The following CCDC85A variants were observed in gnomAD, a reference collection of about 807,000 sequenced individuals.
CCDC85A encodes coiled-coil domain-containing protein 85A.
Under a neutral mutation model 50.2 loss-of-function variants are expected in CCDC85A, and 38 were observed. The ratio of observed to expected loss-of-function variants is 0.76; its 90% CI spans 0.58 to 0.99. The LOEUF (loss-of-function observed/expected upper bound fraction) is 0.99, where lower values mean the gene tolerates loss of function less well. Ranked by LOEUF, CCDC85A falls within the 50% of genes least tolerant of loss-of-function variation. CCDC85A has a pLI of 0.00. For missense variants in CCDC85A, 820 were observed against 742.0 expected, an observed-to-expected ratio of 1.11 and a Z score of -1.22; for synonymous variants, 366 against 301.4, an observed-to-expected ratio of 1.21 and a Z score of -2.22.
chr2:56,209,415 T>C (rs1677095273), intron 2 of CCDC85A, among the ~76,000 whole-genome samples: 1 of 103,452 alleles, frequency 9.7e-6, no homozygotes, highest in African/African-American at 3.5e-5. Flanking sequence ...AATAGAAGTC[T>C]GTTCCTTTTT....
chr2:56,289,384 A>T (rs1387008878), intron 2 of CCDC85A, among the ~76,000 whole-genome samples: 1 of 152,190 alleles, frequency 6.6e-6, no homozygotes, highest in Non-Finnish European at 1.5e-5. Context: ...ACACTAGGGG[A>T]TGCAGTTACC....
At chr2:56,336,727 A>G (rs1473150779) in intron 2 of CCDC85A, among the ~76,000 whole-genome samples, 2 of 152,198 alleles carry the variant, frequency 1.3e-5, no homozygotes, top group Non-Finnish European at 2.9e-5. Context: ...TCATATTTTT[A>G]TCAGAGTGTT....
intron 1 of CCDC85A, among the ~76,000 whole-genome samples, chr2:56,191,156 C>G (rs1208021629): frequency 6.6e-6 from 1 of 152,224 alleles, no homozygotes; most frequent in Non-Finnish European, 1.5e-5. Context: ...CACCCAGGTG[C>G]CTGCTCAAAT....
chr2:56,349,365 T>C (rs776314281), intron 3 of CCDC85A, among the ~76,000 whole-genome samples: 1 of 151,730 alleles, frequency 6.6e-6, no homozygotes, highest in Non-Finnish European at 1.5e-5. Context: ...GCAGCACGAG[T>C]GGTGTGGGTG....
chr2:56,299,260 A>G (rs887431416), intron 2 of CCDC85A, among the ~76,000 whole-genome samples: 2 of 152,152 alleles, frequency 1.3e-5, no homozygotes, highest in Non-Finnish European at 2.9e-5. Flanking sequence ...ATTCTTGGGT[A>G]GCTTGTTTTC....
intron 2 of CCDC85A, among the ~76,000 whole-genome samples, chr2:56,331,662 A>G (rs890296159): frequency 2.6e-4 from 40 of 152,224 alleles, no homozygotes; most frequent in Admixed American, 5.2e-4. Flanking sequence ...TATGCAAACC[A>G]TCAGTTTTAG....
chr2:56,252,949 G>C (rs1342192870), intron 2 of CCDC85A, among the ~76,000 whole-genome samples: 2 of 152,012 alleles, frequency 1.3e-5, no homozygotes, highest in Non-Finnish European at 2.9e-5. Flanking sequence ...AACTGGGGAG[G>C]CGGAGGTTGC....
intron 2 of CCDC85A, among the ~76,000 whole-genome samples, chr2:56,274,525 C>A (rs1423308881): frequency 6.6e-6 from 1 of 152,182 alleles, no homozygotes; most frequent in African/African-American, 2.4e-5. Flanking sequence ...TCAGTCTTTG[C>A]TCTTAGGGCT....
intron 2 of CCDC85A, among the ~76,000 whole-genome samples, chr2:56,331,239 T>G (rs1247952355): frequency 1.3e-5 from 2 of 151,172 alleles, no homozygotes; most frequent in African/African-American, 2.4e-5. Context: ...GATAGGAGGG[T>G]GGGAGAGGGG....
In CCDC85A at chr2:56,304,770, T is replaced by C. The variant is rs550407597; in HGVS notation, c.1241-38109T>C. Among the ~76,000 whole-genome samples the C allele has an allele frequency of 9.9e-5, 15 of 151,996 alleles. No homozygotes were observed. In the South Asian group the frequency reaches 3.1e-3, roughly 32 times the overall value. ...ACAATAAAACTGTATGGGATAAGGCTGGGCGCAGCGGCTCACACCTGCAAT... is the reference window on the plus strand; with the variant it reads ...ACAATAAAACTGTATGGGATAAGGCCGGGCGCAGCGGCTCACACCTGCAAT... On this transcript the variant is annotated intron_variant, in intron 2 of 5. Transcript: ENST00000407595.
At chr2:56,284,051 ATT>A (rs1464111394) in intron 2 of CCDC85A, among the ~76,000 whole-genome samples, 1 of 152,044 alleles carries the variant, frequency 6.6e-6, no homozygotes, top group Non-Finnish European at 1.5e-5. Flanking sequence ...CATCTCATAA[ATT>A]TTGATATACT....
At chr2:56,291,999 CAT>C (rs917557722) in intron 2 of CCDC85A, among the ~76,000 whole-genome samples, 3 of 152,138 alleles carry the variant, frequency 2.0e-5, no homozygotes, top group African/African-American at 7.2e-5. Flanking sequence ...ATATTTGAGA[CAT>C]GTGTCTCAGT....
chr2:56,261,042 A>G (rs898880555), intron 2 of CCDC85A, among the ~76,000 whole-genome samples: 2 of 152,236 alleles, frequency 1.3e-5, no homozygotes, highest in South Asian at 2.1e-4. Flanking sequence ...TGAAGTTGAC[A>G]TAGTACTGAA....
chr2:56,377,064 C>A (rs551560130), intron 5 of CCDC85A, among the ~76,000 whole-genome samples: 52 of 152,314 alleles, frequency 3.4e-4, no homozygotes, highest in South Asian at 8.3e-4. Context: ...TTAGCTTATA[C>A]AAAATGAATT....
chr2:56,322,835 A>T (rs1673272756), intron 2 of CCDC85A, among the ~76,000 whole-genome samples: 1 of 152,216 alleles, frequency 6.6e-6, no homozygotes, highest in African/African-American at 2.4e-5. Flanking sequence ...CTATAAAGAC[A>T]TATGCACATG....
rs1481076425 is a variant in CCDC85A at position 56,193,328 on chromosome 2, A to C, written c.1128A>C (p.Gly376=). 6 of 1,612,988 alleles carry C rather than the reference A, an allele frequency of 3.7e-6. No individual in the cohort carries two copies. The East Asian group carries it at 1.3e-4, about 36-fold the overall frequency. The change falls in exon 2 of 6, where the codon GGA becomes GGC. Residue 376 remains glycine, a synonymous_variant. Transcript: ENST00000407595. ...GGAGCCCTGATCACAAACACGGAGG[A>C]GGCAGTGGAGGAAGTGGAGGCAGCG... is the stretch of plus-strand genomic sequence containing the variant. ...YGGSPDHKHG[G]GSGGSGGSGG...
intron 3 of CCDC85A, among the ~76,000 whole-genome samples, chr2:56,350,364 A>G (rs1276019265): frequency 6.6e-6 from 1 of 152,066 alleles, no homozygotes; most frequent in South Asian, 2.1e-4. Flanking sequence ...TGAGGTTAGG[A>G]GTTCAAGACC....
chr2:56,299,490 G>T (rs965579117), intron 2 of CCDC85A, among the ~76,000 whole-genome samples: 2 of 152,138 alleles, frequency 1.3e-5, no homozygotes. Flanking sequence ...CTGTTCTGGA[G>T]CCCAGACGTC....
intron 2 of CCDC85A, among the ~76,000 whole-genome samples, chr2:56,252,617 C>T (rs534526559): frequency 5.9e-4 from 90 of 152,022 alleles, no homozygotes; most frequent in African/African-American, 2.1e-3. Flanking sequence ...TAGGTATACA[C>T]GTGCCATGGT....
Sources: gnomAD v4.1 joint callset for allele counts (sites outside exome capture counted in the v4.1 genomes callset) on GRCh38, gnomAD v4.1.1 for gene constraint, MANE v1.5 for transcripts, NCBI Gene and HGNC (gene_info 2026-07-23, HGNC 2026-07-21) for gene names.